The following NIBAN1 variants were observed in gnomAD, a reference collection of about 807,000 sequenced individuals.
NIBAN1 encodes protein Niban 1.
In NIBAN1, 81 loss-of-function variants were observed where a neutral mutation model predicts 75.1. The observed-to-expected ratio is 1.08, with a 90% CI of 0.90 to 1.30. The LOEUF is 1.30. Among genes scored for constraint, NIBAN1 ranks in the 50% most tolerant of loss-of-function variants. The pLI, the probability that NIBAN1 is intolerant of heterozygous loss-of-function variation, is 0.00. For synonymous variants in NIBAN1, 436 were observed against 424.8 expected (o/e 1.03, Z -0.32); for missense variants, 1,133 against 1,128.1 (o/e 1.00, Z -0.06).
At chr1:184,903,733 C>CTTTTTTTTTTTTTTTTTTTT (rs368105582) in intron 1 of NIBAN1, among the ~76,000 whole-genome samples, 1 of 99,922 alleles carries the variant, frequency 1.0e-5, no homozygotes, top group Non-Finnish European at 1.9e-5. Flanking sequence ...CCGATTAAAC[C>CTTTTTTTTTTTTTTTTTTTT]TTTTTTTTTT....
intron 5 of NIBAN1, among the ~76,000 whole-genome samples, chr1:184,876,462 C>T: frequency 6.6e-6 from 1 of 152,016 alleles, no homozygotes; most frequent in East Asian, 1.9e-4. Context: ...CTTTGGGATG[C>T]CAAAGTGGGA....
intron 1 of NIBAN1, among the ~76,000 whole-genome samples, chr1:184,936,021 GA>G (rs371040471): frequency 4.9e-3 from 607 of 124,468 alleles, no homozygotes; most frequent in African/African-American, 0.012. Flanking sequence ...TGTGATAGAT[GA>G]AAAAAAAAAA....
intron 4 of NIBAN1, 23 bp from the exon 5 acceptor site, chr1:184,884,823 A>G (rs764898616): frequency 9.9e-6 from 16 of 1,610,264 alleles, no homozygotes; most frequent in Non-Finnish European, 1.4e-5. Flanking sequence ...TGAAAACACA[A>G]ATACCTTTTA....
At chr1:184,860,310 C>A (rs1254692493) in intron 5 of NIBAN1, among the ~76,000 whole-genome samples, 2 of 151,946 alleles carry the variant, frequency 1.3e-5, no homozygotes, top group Admixed American at 1.3e-4. Flanking sequence ...AGATCTACCT[C>A]AAACTTCCAG....
rs553295982 is a variant in NIBAN1 at position 184,845,667 on chromosome 1, A to G, written c.602-13705T>C. ...AGCTCCGGTCTACAGATCCCAGCGTAAGCGACGCAGAAGACGGGTGATTTC... is the reference window on the plus strand; with the variant it reads ...AGCTCCGGTCTACAGATCCCAGCGTGAGCGACGCAGAAGACGGGTGATTTC... On this transcript the variant is annotated intron_variant, in intron 5 of 13. Coordinates refer to ENST00000367511, the MANE Select transcript of NIBAN1 (RefSeq NM_052966.4). 5.3e-4 allele frequency among the ~76,000 whole-genome samples: 52 copies of G among 98,170 alleles called. 17 individuals are homozygous for G. The highest frequency in any genetic ancestry group is 8.3e-4 in the Admixed American group (8 of 9,588). 64.4% of individuals were successfully genotyped at this position (98,170 alleles called of 152,430 possible).
intron 5 of NIBAN1, among the ~76,000 whole-genome samples, chr1:184,836,865 GTTAAA>G (rs1655159146): frequency 6.6e-6 from 1 of 152,134 alleles, no homozygotes; most frequent in Non-Finnish European, 1.5e-5. Context: ...CTAATAAACT[GTTAAA>G]TTAATATATG....
At chr1:184,804,914 G>A (rs766115898) in intron 11 of NIBAN1, among the ~76,000 whole-genome samples, 3 of 151,780 alleles carry the variant, frequency 2.0e-5, no homozygotes, top group East Asian at 1.9e-4. Context: ...TCAGCCTCCC[G>A]AGTAGCTAGG....
intron 1 of NIBAN1, among the ~76,000 whole-genome samples, chr1:184,944,211 T>C (rs1224017719): frequency 7.9e-5 from 12 of 152,198 alleles, no homozygotes; most frequent in Non-Finnish European, 4.4e-5. Flanking sequence ...GCAGATAAGA[T>C]ATGGTCAGTC....
chr1:184,871,757 A>T (rs966448952), intron 5 of NIBAN1, among the ~76,000 whole-genome samples: 2 of 152,190 alleles, frequency 1.3e-5, no homozygotes, highest in South Asian at 2.1e-4. Flanking sequence ...TAATGTGCCA[A>T]ATTAAATTGC....
At chr1:184,970,432 G>A (rs1034667462) in intron 1 of NIBAN1, among the ~76,000 whole-genome samples, 2 of 152,110 alleles carry the variant, frequency 1.3e-5, no homozygotes, top group Admixed American at 6.5e-5. Flanking sequence ...CTACAGATGT[G>A]TACAGCTCTC....
chr1:184,845,202 G>A (rs1350478452), intron 5 of NIBAN1, among the ~76,000 whole-genome samples: 2 of 152,102 alleles, frequency 1.3e-5, no homozygotes, highest in Non-Finnish European at 2.9e-5. Flanking sequence ...TCTCACTAAG[G>A]GATCCATTTA....
intron 1 of NIBAN1, among the ~76,000 whole-genome samples, chr1:184,955,892 C>T (rs975131390): frequency 3.3e-5 from 5 of 152,156 alleles, no homozygotes; most frequent in Admixed American, 3.3e-4. Flanking sequence ...GCCTGGAGCA[C>T]AAAATCTACC....
intron 13 of NIBAN1, among the ~76,000 whole-genome samples, chr1:184,797,630 C>T (rs564110239): frequency 6.6e-6 from 1 of 151,900 alleles, no homozygotes; most frequent in East Asian, 1.9e-4. Flanking sequence ...ATAAGCCTTG[C>T]TGCTGGAATT....
chr1:184,901,884 T>C (rs184678960), intron 1 of NIBAN1, among the ~76,000 whole-genome samples: 1 of 152,228 alleles, frequency 6.6e-6, no homozygotes, highest in African/African-American at 2.4e-5. Flanking sequence ...CAATTGCAGC[T>C]TCTTTAGGTA....
At chr1:184,951,249 AT>A (rs1361982919) in intron 1 of NIBAN1, among the ~76,000 whole-genome samples, 1 of 152,218 alleles carries the variant, frequency 6.6e-6, no homozygotes, top group African/African-American at 2.4e-5. Flanking sequence ...TATTATGAGA[AT>A]TTAGATGAGG....
At chr1:184,973,439 G>A (rs1297873985) in intron 1 of NIBAN1, among the ~76,000 whole-genome samples, 3 of 151,998 alleles carry the variant, frequency 2.0e-5, no homozygotes, top group African/African-American at 7.3e-5. Context: ...ATCTGGCGGC[G>A]GGGCGGGGGA....
chr1:184,823,534 C>G (rs1654760540), intron 7 of NIBAN1, 104 bp downstream of exon 7: 8 of 1,347,216 alleles, frequency 5.9e-6, no homozygotes, highest in Non-Finnish European at 8.3e-6. Context: ...ATTTCTACAC[C>G]CAGGGAAGGG....
At chr1:184,909,941 G>T (rs557495367) in intron 1 of NIBAN1, among the ~76,000 whole-genome samples, 19 of 152,112 alleles carry the variant, frequency 1.2e-4, no homozygotes, top group African/African-American at 4.3e-4. Context: ...TACCCCCAAA[G>T]CTATGGTACA....
rs1654028001 is a variant in NIBAN1 at position 184,801,088 on chromosome 1, G to C, written c.1554+2497C>G. On this transcript the variant is annotated intron_variant, in intron 12 of 13. Coordinates refer to ENST00000367511, the MANE Select transcript of NIBAN1 (RefSeq NM_052966.4). The stretch of plus-strand genomic sequence containing the variant: ...GATTAACTCAGTAATCCTTGCACCT[G>C]GTGGTGCTGGGGGAAGGCTTCCCAC... Among the ~76,000 whole-genome samples the C allele has an allele frequency of 3.3e-5, 5 of 152,248 alleles. No homozygotes were observed. The South Asian group carries it at 1.0e-3, about 32-fold the overall frequency.
Sources: allele counts gnomAD v4.1 joint callset (sites outside exome capture counted in the v4.1 genomes callset), GRCh38; gene constraint gnomAD v4.1.1; transcripts MANE v1.5; gene names NCBI Gene and HGNC (gene_info 2026-07-23, HGNC 2026-07-21).